ESR1: variants seen among roughly 807,000 people sequenced by gnomAD.
ESR1 encodes estrogen receptor.
ESR1 carries 12 observed loss-of-function variants against 52.7 expected under a neutral mutation model. That is an observed-to-expected ratio of 0.23 (90% CI 0.15 to 0.37). ESR1 has a LOEUF of 0.37. Ranked by LOEUF, ESR1 falls within the 10% of genes least tolerant of loss-of-function variation. ESR1 has a pLI of 1.00. For missense variants in ESR1, 584 were observed against 779.7 expected (o/e 0.75, Z 2.99); for synonymous variants, 305 against 316.8 (o/e 0.96, Z 0.39).
chr6:152,055,543 T>C (rs1437082345), intron 5 of ESR1, among the ~76,000 whole-genome samples: 1 of 152,230 alleles, frequency 6.6e-6, no homozygotes, highest in African/African-American at 2.4e-5. Context: ...CTTTTACTTT[T>C]CATCGCTTAA....
intron 6 of ESR1, among the ~76,000 whole-genome samples, chr6:152,081,691 G>T (rs1294089404): frequency 2.0e-5 from 3 of 151,794 alleles, no homozygotes; most frequent in Admixed American, 2.0e-4. Context: ...CCAGGAGCTG[G>T]TTTTTTGAAA....
At chr6:151,906,956 A>C (rs1797553071) in intron 3 of ESR1, among the ~76,000 whole-genome samples, 1 of 151,742 alleles carries the variant, frequency 6.6e-6, no homozygotes, top group Non-Finnish European at 1.5e-5. Context: ...AATATAACTT[A>C]ATTTTTTTCC....
chr6:151,838,549 T>A (rs1442283004), intron 1 of ESR1, among the ~76,000 whole-genome samples: 1 of 152,216 alleles, frequency 6.6e-6, no homozygotes, highest in African/African-American at 2.4e-5. Context: ...GAAGTTATGT[T>A]ATCTTGATCT....
rs1385093136 is a variant in ESR1, at chr6:151,883,420, G to A, written c.760+2649G>A. Among the ~76,000 whole-genome samples, 47 of 151,968 alleles carry A rather than the reference G, an allele frequency of 3.1e-4. 1 individual carries two copies. Among genetic ancestry groups the A allele is most frequent in the Admixed American group, 2.8e-3 (43 of 15,272 alleles). ...TGGGATTATAGGCGTGAGCCACCAT[G>A]CCCGGCCTGTGAGGCCTCTCTTCTA... On this transcript the variant is annotated intron_variant, in intron 3 of 7. Coordinates refer to ENST00000206249, the MANE Select transcript of ESR1 (RefSeq NM_000125.4).
intron 4 of ESR1, among the ~76,000 whole-genome samples, chr6:151,978,905 A>C (rs9340935): frequency 0.011 from 1,625 of 152,350 alleles, 14 homozygotes; most frequent in Middle Eastern, 0.041. Flanking sequence ...AAAGAATGGT[A>C]AGTCAAATAT....
chr6:151,936,539 A>G (rs1315158652), intron 3 of ESR1, among the ~76,000 whole-genome samples: 13 of 152,232 alleles, frequency 8.5e-5, no homozygotes, highest in Non-Finnish European at 1.3e-4. Flanking sequence ...AGAAAAGACA[A>G]GGTTAAAGGA....
exon 7 of ESR1, chr6:152,125,882 T>C (rs1294190564): frequency 1.3e-5 from 2 of 152,242 alleles, no homozygotes; most frequent in African/African-American, 2.4e-5. Context: ...TGGCAAACCA[T>C]TGAATCATAA....
At chr6:151,806,556 A>G (rs1179174482), upstream of ESR1, among the ~76,000 whole-genome samples, 1 of 144,408 alleles carries the variant, frequency 6.9e-6, no homozygotes, top group East Asian at 2.0e-4. Context: ...ATATATATAT[A>G]TACACATATA....
intron 3 of ESR1, among the ~76,000 whole-genome samples, chr6:151,896,005 G>A (rs1165572289): frequency 6.6e-6 from 1 of 152,156 alleles, no homozygotes; most frequent in Non-Finnish European, 1.5e-5. Context: ...GGCCAGGCGG[G>A]TCTTGAACTC....
intron 2 of ESR1, among the ~76,000 whole-genome samples, chr6:151,729,444 G>A (rs1782082037): frequency 6.6e-6 from 1 of 152,136 alleles, no homozygotes; most frequent in African/African-American, 2.4e-5. Flanking sequence ...GAGCATATGT[G>A]GCCTATGTGT....
At chr6:151,870,936 C>G (rs1024210843) in intron 2 of ESR1, among the ~76,000 whole-genome samples, 1 of 152,108 alleles carries the variant, frequency 6.6e-6, no homozygotes, top group East Asian at 1.9e-4. Context: ...AGGGCAACCT[C>G]GACCTCCTAG....
chr6:152,117,967 A>C (rs1369904068), intron 6 of ESR1, among the ~76,000 whole-genome samples: 1 of 152,188 alleles, frequency 6.6e-6, no homozygotes, highest in Non-Finnish European at 1.5e-5. Flanking sequence ...AGATGACCAC[A>C]CTCAGAAAAA....
chr6:151,741,139 C>A (rs757293460), intron 2 of ESR1, among the ~76,000 whole-genome samples: 5 of 152,102 alleles, frequency 3.3e-5, no homozygotes, highest in Non-Finnish European at 7.3e-5. Context: ...CATTTTCTAT[C>A]CTTTGTGCCC....
rs3798760 is a variant in ESR1 at position 151,959,337 on chromosome 6, C to T, written c.1096+14829C>T. ...GCATAAGTTCTTAATTGTTAGGAAT[C>T]ACTGGTGCGGCACACATCTTTTTCT... On this transcript the variant is annotated intron_variant, in intron 4 of 7. Transcript: ENST00000206249. Among the ~76,000 whole-genome samples the T allele has an allele frequency of 1.1e-3, 166 of 152,284 alleles. 2 individuals are homozygous for T. The East Asian group carries it at 0.029, about 27-fold the overall frequency.
chr6:151,941,110 A>G (rs2035003915), intron 3 of ESR1, among the ~76,000 whole-genome samples: 1 of 152,222 alleles, frequency 6.6e-6, no homozygotes. Flanking sequence ...TTATTTTTAA[A>G]GTACTTTATT....
At chr6:151,917,657 G>C (rs1269482864) in intron 3 of ESR1, among the ~76,000 whole-genome samples, 2 of 152,098 alleles carry the variant, frequency 1.3e-5, no homozygotes, top group Non-Finnish European at 2.9e-5. Flanking sequence ...TGCAGTTAAA[G>C]GTGTGGTAAC....
rs1441143363 is a variant in ESR1 at position 151,981,992 on chromosome 6, A to G, written c.1097-29664A>G. ...ATCCTCTACATAGTGTTAAACTTGA[A>G]TTTAAGATCACACAGATTCCTTTAC... On this transcript the variant is annotated intron_variant, in intron 4 of 7. Transcript: ENST00000206249. Among the ~76,000 whole-genome samples, 4 of 152,250 alleles carry G rather than the reference A, an allele frequency of 2.6e-5. No individual in the cohort carries two copies. In the East Asian group the frequency reaches 5.8e-4, roughly 22 times the overall value.
chr6:151,744,049 C>T (rs190080491), intron 2 of ESR1, among the ~76,000 whole-genome samples: 228 of 152,224 alleles, frequency 1.5e-3, no homozygotes, highest in African/African-American at 5.3e-3. Context: ...ATACTGTTTT[C>T]GAGGTTCATC....
intron 2 of ESR1, among the ~76,000 whole-genome samples, chr6:151,843,779 CTAAGT>C (rs1784667731): frequency 6.6e-6 from 1 of 152,128 alleles, no homozygotes; most frequent in Non-Finnish European, 1.5e-5. Context: ...CCAGAGTCCG[CTAAGT>C]TAATAAACAC....
Sources: allele counts gnomAD v4.1 joint callset (sites outside exome capture counted in the v4.1 genomes callset), GRCh38; gene constraint gnomAD v4.1.1; transcripts MANE v1.5; gene names NCBI Gene and HGNC (gene_info 2026-07-23, HGNC 2026-07-21).